EXOG: variants seen among roughly 807,000 people sequenced by gnomAD.
EXOG encodes the protein exo/endonuclease G, also known as nuclease EXOG, mitochondrial.
A neutral mutation model predicts 25.8 loss-of-function variants in EXOG; 27 were observed. That is an observed-to-expected ratio of 1.05 (90% confidence interval 0.77 to 1.45). EXOG has a LOEUF of 1.45. Ranked by LOEUF, EXOG falls within the 40% of genes most tolerant of loss-of-function variation. The pLI, the probability that EXOG is intolerant of heterozygous loss-of-function variation, is 0.00. For missense variants in EXOG, 458 were observed against 450.5 expected, an observed-to-expected ratio of 1.02 and a Z score of -0.15; for synonymous variants, 133 against 167.0, an observed-to-expected ratio of 0.80 and a Z score of 1.57.
chr3:38,501,718 A>G (rs1171519160), intron 3 of EXOG, among the ~76,000 whole-genome samples: 1 of 152,204 alleles, frequency 6.6e-6, no homozygotes, highest in Non-Finnish European at 1.5e-5. Context: ...CTAGAAAGCC[A>G]CTGGGAGCTG....
At position 38,501,508 on chromosome 3, in the gene EXOG, G is replaced by C; in HGVS notation, c.453+14G>C. 6 of 1,613,026 alleles carry C rather than the reference G, an allele frequency of 3.7e-6. No individual in the cohort carries two copies. The highest frequency in any genetic ancestry group is 4.2e-6 in the Non-Finnish European group (5 of 1,179,074). On this transcript the variant is annotated intron_variant, in intron 3 of 5. Transcript: ENST00000287675. The stretch of plus-strand genomic sequence containing the variant: ...AAATTTTCAAGTGTAGGCATACTTT[G>C]GGGGAGGGATGGGAATATGGGGCTG...
intron 2 of EXOG, 31 bp from the exon 3 acceptor site, chr3:38,501,324 T>C (rs1156519731): frequency 1.2e-6 from 2 of 1,605,730 alleles, no homozygotes; most frequent in East Asian, 2.2e-5. Flanking sequence ...TGTCTACTGA[T>C]AACATATCCA....
chr3:38,521,438 C>T (rs2060711854), intron 5 of EXOG, among the ~76,000 whole-genome samples: 1 of 151,322 alleles, frequency 6.6e-6, no homozygotes, highest in Non-Finnish European at 1.5e-5. Flanking sequence ...TGGAATTTTA[C>T]GAGCCTGATT....
chr3:38,506,922 C>G lies in EXOG; in HGVS notation c.599C>G (p.Thr200Ser). 2 of 1,602,274 alleles carry G rather than the reference C, an allele frequency of 1.2e-6. No homozygotes were observed. Among genetic ancestry groups the G allele is most frequent in the Non-Finnish European group, 1.7e-6 (2 of 1,169,556 alleles). ...EDVWVVSGPLTLPQTRGDGKK... is the reference protein window; with the variant it reads ...EDVWVVSGPLSLPQTRGDGKK... ...GTTTGGGTGGTATCTGGGCCTTTGA[C>G]CTTACCTCAGACTAGAGGCGATGGA... The change falls in exon 5 of 6, where the codon ACC becomes AGC. Residue 200 changes from threonine to serine, a missense_variant. Physicochemically the swap from Thr to Ser is moderately conservative, Grantham distance 58. Coordinates refer to ENST00000287675, the MANE Select transcript of EXOG (RefSeq NM_005107.4).
Position 38,502,305 on chromosome 3 carries a change from C to CT in EXOG, c.453+812dup, listed in dbSNP as rs770862555. Reference sequence around the variant, plus strand: ...AGTACAGTGGTGGAATCATAGCTTACTGTAGTCTTGAACTCCTAGGCTTAT... The same window carrying CT: ...AGTACAGTGGTGGAATCATAGCTTACTTGTAGTCTTGAACTCCTAGGCTTAT... On this transcript the variant is annotated intron_variant, in intron 3 of 5. Transcript: ENST00000287675. Among the ~76,000 whole-genome samples, 4 of 152,336 alleles carry CT rather than the reference C, an allele frequency of 2.6e-5. No individual in the cohort carries two copies. In the South Asian group the frequency reaches 8.3e-4, roughly 32 times the overall value.
chr3:38,520,183 T>A (rs2125799334), intron 5 of EXOG, among the ~76,000 whole-genome samples: 1 of 152,316 alleles, frequency 6.6e-6, no homozygotes, highest in African/African-American at 2.4e-5. Flanking sequence ...GTTTTGGGTC[T>A]CTTCTGGGTC....
At chr3:38,511,947 G>GT (rs1559688351) in intron 5 of EXOG, among the ~76,000 whole-genome samples, 1 of 152,182 alleles carries the variant, frequency 6.6e-6, no homozygotes. Flanking sequence ...GAAGACCAGT[G>GT]TTTTTTGTAT....
At chr3:38,514,794 G>A (rs867096197) in intron 5 of EXOG, among the ~76,000 whole-genome samples, 2 of 96,916 alleles carry the variant, frequency 2.1e-5, no homozygotes, top group Non-Finnish European at 3.7e-5. Context: ...TTTTTGAGAC[G>A]GAGTTTTACG....
At chr3:38,504,686 G>A (rs1407057385) in intron 4 of EXOG, among the ~76,000 whole-genome samples, 1 of 151,994 alleles carries the variant, frequency 6.6e-6, no homozygotes, top group Non-Finnish European at 1.5e-5. Context: ...TGCCCACCTT[G>A]GCCTCCCAAA....
chr3:38,506,807 C>A, intron 4 of EXOG, 47 bp from the exon 5 acceptor site: 1 of 885,970 alleles, frequency 1.1e-6, no homozygotes, highest in Non-Finnish European at 1.8e-6. Flanking sequence ...TGCTGTCTTA[C>A]ATGTATATAT....
At position 38,496,550 on chromosome 3, in the gene EXOG, C is replaced by T; in HGVS notation, c.163+20C>T. 2 of 1,598,136 alleles carry T rather than the reference C, an allele frequency of 1.3e-6. No individual in the cohort carries two copies. The highest frequency in any genetic ancestry group is 1.7e-6 in the Non-Finnish European group (2 of 1,173,476). ...CGGATGGTAAGTCTGTGGGCCCGTC[C>T]TCCCTTCGCTGGCCCAGATTTCGGG... On this transcript the variant is annotated intron_variant, in intron 1 of 5. Coordinates refer to ENST00000287675, the MANE Select transcript of EXOG (RefSeq NM_005107.4).
intron 3 of EXOG, 154 bp downstream of exon 3, chr3:38,501,648 A>G (rs1381671509): frequency 1.5e-6 from 1 of 652,264 alleles, no homozygotes; most frequent in Non-Finnish European, 2.6e-6. Context: ...TCTTTCAATC[A>G]CATACCGAGA....
intron 1 of EXOG, chr3:38,496,738 C>G (rs1219749064): frequency 1.4e-6 from 2 of 1,446,576 alleles, no homozygotes; most frequent in African/African-American, 1.4e-5. Flanking sequence ...TTCCTTCCCC[C>G]GGGCATCTTC....
At chr3:38,501,733 T>C (rs898360234) in intron 3 of EXOG, among the ~76,000 whole-genome samples, 10 of 152,172 alleles carry the variant, frequency 6.6e-5, no homozygotes, top group Admixed American at 5.9e-4. Context: ...GAGCTGAAGC[T>C]ACTCACTTTT....
At chr3:38,522,274 A>G (rs2060740112) in intron 5 of EXOG, among the ~76,000 whole-genome samples, 1 of 152,180 alleles carries the variant, frequency 6.6e-6, no homozygotes, top group Non-Finnish European at 1.5e-5. Flanking sequence ...AAAAAGCAGA[A>G]AAGAAACCTC....
intron 1 of EXOG, chr3:38,496,893 C>G (rs780770004): frequency 2.7e-5 from 33 of 1,222,600 alleles, no homozygotes; most frequent in Non-Finnish European, 3.5e-5. Context: ...TCTCCATCAT[C>G]TAACCAGCAC....
intron 5 of EXOG, among the ~76,000 whole-genome samples, chr3:38,507,738 A>G (rs1438973783): frequency 6.6e-6 from 1 of 152,194 alleles, no homozygotes; most frequent in African/African-American, 2.4e-5. Context: ...GAGTTAGGAC[A>G]TACAAGCAGT....
chr3:38,505,919 C>G (rs1201215427), intron 4 of EXOG, among the ~76,000 whole-genome samples: 8 of 148,334 alleles, frequency 5.4e-5, no homozygotes, highest in Non-Finnish European at 1.2e-4. Flanking sequence ...TGAGCTGAGC[C>G]TGGGTGACAG....
At chr3:38,518,645 T>G (rs1023879803) in intron 5 of EXOG, among the ~76,000 whole-genome samples, 10 of 152,206 alleles carry the variant, frequency 6.6e-5, no homozygotes, top group Non-Finnish European at 1.3e-4. Context: ...AAAGGGTTTA[T>G]TTAGTTTTCT....
Sources: gnomAD v4.1 joint callset for allele counts (sites outside exome capture counted in the v4.1 genomes callset) on GRCh38, gnomAD v4.1.1 for gene constraint, MANE v1.5 for transcripts, NCBI Gene and HGNC (gene_info 2026-07-23, HGNC 2026-07-21) for gene names.